The following CNTN5 variants were observed in gnomAD, a reference collection of about 807,000 sequenced individuals.
CNTN5 encodes the protein contactin-5.
CNTN5 carries 77 observed loss-of-function variants against 129.1 expected under a neutral mutation model. That is an observed-to-expected ratio of 0.60 (90% CI 0.50 to 0.72). The LOEUF is 0.72. Ranked by LOEUF, CNTN5 falls within the 30% of genes least tolerant of loss-of-function variation. The pLI is 0.00. For missense variants in CNTN5, 1,478 were observed against 1,328.8 expected (o/e 1.11, Z -1.75); for synonymous variants, 509 against 465.6 (o/e 1.09, Z -1.20).
chr11:100,099,755 T>A (rs1945154841), intron 13 of CNTN5, among the ~76,000 whole-genome samples: 1 of 152,060 alleles, frequency 6.6e-6, no homozygotes, highest in Admixed American at 6.6e-5. Flanking sequence ...CATCATTATC[T>A]CCTCTGAGCT....
rs1266678245 is a variant in CNTN5, at chr11:99,280,514, G to A, written c.-209-44832G>A. On this transcript the variant is annotated intron_variant, in intron 1 of 24. Transcript: ENST00000524871. ...GGTTTGACTAGAAAAAAATTCAATT[G>A]CCAGCAAGAAAAACAATATGGAAAC... Among the ~76,000 whole-genome samples the A allele has an allele frequency of 3.3e-5, 5 of 151,434 alleles. No individual in the cohort carries two copies. The Admixed American group carries it at 3.3e-4, about 10-fold the overall frequency.
chr11:99,658,717 A>AT (rs201403867), intron 3 of CNTN5, among the ~76,000 whole-genome samples: 2,957 of 121,422 alleles, frequency 0.024, 70 homozygotes, highest in African/African-American at 0.062. Context: ...ACTAAAAAAA[A>AT]AATATATATA....
At chr11:99,142,595 G>C (rs1000817131) in intron 1 of CNTN5, among the ~76,000 whole-genome samples, 33 of 152,108 alleles carry the variant, frequency 2.2e-4, no homozygotes, top group African/African-American at 7.7e-4. Flanking sequence ...ATGGTGCTCA[G>C]AACACACTGC....
intron 15 of CNTN5, among the ~76,000 whole-genome samples, chr11:100,199,564 C>T (rs1440251861): frequency 1.3e-5 from 2 of 151,826 alleles, no homozygotes; most frequent in Admixed American, 1.3e-4. Context: ...GAAAGATTAC[C>T]TTCAAAGGTT....
intron 1 of CNTN5, among the ~76,000 whole-genome samples, chr11:99,226,795 T>C (rs1860710859): frequency 6.6e-6 from 1 of 152,154 alleles, no homozygotes. Flanking sequence ...GGGTGCTCAA[T>C]AGATTTTTTT....
intron 21 of CNTN5, among the ~76,000 whole-genome samples, chr11:100,332,414 G>T (rs542534305): frequency 6.6e-6 from 1 of 152,198 alleles, no homozygotes; most frequent in South Asian, 2.1e-4. Context: ...ATTTAAAGAA[G>T]AATTGGTACC....
chr11:100,109,864 C>T (rs1478620029), intron 13 of CNTN5, among the ~76,000 whole-genome samples: 2 of 152,154 alleles, frequency 1.3e-5, no homozygotes, highest in Non-Finnish European at 2.9e-5. Context: ...CTCATTTCTA[C>T]ATTCTAGCTG....
intron 3 of CNTN5, among the ~76,000 whole-genome samples, chr11:99,612,857 TGTGAA>T (rs1019608474): frequency 1.3e-5 from 2 of 152,128 alleles, no homozygotes; most frequent in Admixed American, 6.5e-5. Flanking sequence ...TCAACACTGT[TGTGAA>T]GTGAAGTTGA....
At chr11:100,179,895 T>A (rs557503518) in intron 13 of CNTN5, among the ~76,000 whole-genome samples, 31 of 152,222 alleles carry the variant, frequency 2.0e-4, no homozygotes, top group African/African-American at 7.2e-4. Flanking sequence ...ATGTCTTTTT[T>A]AAATATTTAA....
intron 2 of CNTN5, among the ~76,000 whole-genome samples, chr11:99,366,954 A>G (rs563640230): frequency 4.3e-4 from 65 of 152,186 alleles, no homozygotes; most frequent in Non-Finnish European, 5.4e-4. Flanking sequence ...ATATTGTGAT[A>G]TCGACAGATA....
At chr11:99,573,045 A>C (rs1277884471) in intron 3 of CNTN5, among the ~76,000 whole-genome samples, 1 of 152,200 alleles carries the variant, frequency 6.6e-6, no homozygotes, top group Non-Finnish European at 1.5e-5. Flanking sequence ...TAATTTAAGA[A>C]ATAAACAGTT....
At chr11:99,703,015 A>T (rs1954589132) in intron 3 of CNTN5, among the ~76,000 whole-genome samples, 1 of 150,872 alleles carries the variant, frequency 6.6e-6, no homozygotes, top group African/African-American at 2.4e-5. Flanking sequence ...TCGCATGAAG[A>T]TGTATAGGAT....
chr11:99,599,963 G>GA (rs1212802659), intron 3 of CNTN5, among the ~76,000 whole-genome samples: 3 of 152,094 alleles, frequency 2.0e-5, no homozygotes, highest in Middle Eastern at 3.4e-3. Flanking sequence ...AAAGTAAAGA[G>GA]AAAAAAACCT....
At chr11:99,598,213 C>A (rs1200699482) in intron 3 of CNTN5, among the ~76,000 whole-genome samples, 2 of 146,124 alleles carry the variant, frequency 1.4e-5, no homozygotes, top group Non-Finnish European at 3.1e-5. Flanking sequence ...CAGGCGGGAA[C>A]CTTTTCTTCC....
At chr11:99,360,875 C>CA (rs572877380) in intron 2 of CNTN5, among the ~76,000 whole-genome samples, 51 of 152,286 alleles carry the variant, frequency 3.3e-4, no homozygotes, top group African/African-American at 1.2e-3. Flanking sequence ...TTTTTGATTA[C>CA]AAATTTTATC....
chr11:100,302,534 A>C (rs1349175114), intron 20 of CNTN5, among the ~76,000 whole-genome samples: 3 of 151,578 alleles, frequency 2.0e-5, no homozygotes, highest in Non-Finnish European at 4.4e-5. Context: ...TTATGGGCTT[A>C]GTTCCTCCTC....
rs186518612 is a variant in CNTN5, at chr11:99,348,703, C to A, written c.-71+23219C>A. 2.6e-5 allele frequency among the ~76,000 whole-genome samples: 4 copies of A among 152,230 alleles called. No individual in the cohort carries two copies. In the East Asian group the frequency reaches 5.8e-4, roughly 22 times the overall value. On this transcript the variant is annotated intron_variant, in intron 2 of 24. Transcript: ENST00000524871. ...AGATAATCTTAAGTTTCTTAATTTT[C>A]CAGTTGACAGTGTGTATGTGTGTGT...
At chr11:99,425,527 A>G (rs535646205) in intron 2 of CNTN5, among the ~76,000 whole-genome samples, 205 of 152,310 alleles carry the variant, frequency 1.3e-3, no homozygotes, top group African/African-American at 4.7e-3. Context: ...GGGTGGGGGT[A>G]GGGGGCTGGC....
At chr11:99,118,811 G>A (rs779906822) in intron 1 of CNTN5, among the ~76,000 whole-genome samples, 2 of 151,784 alleles carry the variant, frequency 1.3e-5, no homozygotes, top group Non-Finnish European at 2.9e-5. Flanking sequence ...TTTCCAAAAT[G>A]TCAGAAAAAT....
Sources: gnomAD v4.1 joint callset for allele counts (sites outside exome capture counted in the v4.1 genomes callset) on GRCh38, gnomAD v4.1.1 for gene constraint, MANE v1.5 for transcripts, NCBI Gene and HGNC (gene_info 2026-07-23, HGNC 2026-07-21) for gene names.